The following PDGFC variants were observed in gnomAD, a reference collection of about 807,000 sequenced individuals.
The protein encoded by PDGFC is platelet derived growth factor C.
PDGFC carries 12 observed loss-of-function variants against 35.5 expected under a neutral mutation model. The ratio of observed to expected loss-of-function variants is 0.34; its 90% CI spans 0.22 to 0.55. The LOEUF (loss-of-function observed/expected upper bound fraction) is 0.55. Ranked by LOEUF, PDGFC falls within the 20% of genes least tolerant of loss-of-function variation. The pLI is 0.91. For synonymous variants in PDGFC, 159 were observed against 148.8 expected (o/e 1.07, Z -0.50); for missense variants, 322 against 412.4 (o/e 0.78, Z 1.90).
chr4:156,772,940 G>C (rs967450404), intron 3 of PDGFC, 47 bp from the exon 4 acceptor site: 2 of 1,281,804 alleles, frequency 1.6e-6, no homozygotes, highest in Admixed American at 1.7e-5. Context: ...AAACGACAAT[G>C]TATTCCTTCT....
chr4:156,825,595 A>G (rs1269916012), intron 2 of PDGFC, among the ~76,000 whole-genome samples: 2 of 76,426 alleles, frequency 2.6e-5, no homozygotes, highest in African/African-American at 5.1e-5. Context: ...AATAATAATA[A>G]GAAGAAGAAG....
intron 1 of PDGFC, among the ~76,000 whole-genome samples, chr4:156,911,844 G>A (rs182521374): frequency 4.0e-4 from 61 of 152,218 alleles, no homozygotes; most frequent in African/African-American, 1.3e-3. Flanking sequence ...ATGCACATGC[G>A]TTGGTAAGCA....
intron 3 of PDGFC, among the ~76,000 whole-genome samples, chr4:156,806,296 T>C (rs927503514): frequency 7.2e-5 from 11 of 152,064 alleles, no homozygotes; most frequent in South Asian, 2.1e-4. Flanking sequence ...TAAATATACA[T>C]TGACTCAATT....
intron 1 of PDGFC, among the ~76,000 whole-genome samples, chr4:156,961,527 A>C (rs1732343554): frequency 6.6e-6 from 1 of 152,184 alleles, no homozygotes; most frequent in Admixed American, 6.5e-5. Context: ...CATGGCATCA[A>C]GATAGTACAT....
At chr4:156,964,573 T>A (rs544308349) in intron 1 of PDGFC, among the ~76,000 whole-genome samples, 1 of 151,952 alleles carries the variant, frequency 6.6e-6, no homozygotes, top group Admixed American at 6.6e-5. Flanking sequence ...AAGCAACAGA[T>A]TCTTACCTCA....
intron 1 of PDGFC, among the ~76,000 whole-genome samples, chr4:156,926,794 T>C (rs943958967): frequency 6.6e-6 from 1 of 152,148 alleles, no homozygotes; most frequent in Non-Finnish European, 1.5e-5. Flanking sequence ...GTACAAGCTG[T>C]CAGAGGATCT....
intron 1 of PDGFC, among the ~76,000 whole-genome samples, chr4:156,861,120 T>A (rs1391097002): frequency 6.6e-6 from 1 of 152,030 alleles, no homozygotes; most frequent in East Asian, 1.9e-4. Context: ...TATACAGAAG[T>A]GGGAATGTAG....
intron 3 of PDGFC, among the ~76,000 whole-genome samples, chr4:156,780,919 T>TACCTA (rs1281961013): frequency 6.6e-6 from 1 of 152,168 alleles, no homozygotes; most frequent in African/African-American, 2.4e-5. Flanking sequence ...GATTTTCTTT[T>TACCTA]ACCTAACAAG....
intron 1 of PDGFC, among the ~76,000 whole-genome samples, chr4:156,969,936 A>G (rs1484677976): frequency 6.6e-6 from 1 of 152,224 alleles, no homozygotes; most frequent in African/African-American, 2.4e-5. Context: ...AGAGAAAAAG[A>G]GTTTAGAAAT....
At chr4:156,872,069 A>G (rs1729997777) in intron 1 of PDGFC, among the ~76,000 whole-genome samples, 1 of 152,206 alleles carries the variant, frequency 6.6e-6, no homozygotes, top group Non-Finnish European at 1.5e-5. Flanking sequence ...TTAATAAAAG[A>G]CTATACACAA....
chr4:156,936,617 AAG>A (rs202059537), intron 1 of PDGFC, among the ~76,000 whole-genome samples: 1,585 of 152,308 alleles, frequency 0.01, 12 homozygotes, highest in Non-Finnish European at 0.014. Flanking sequence ...CAATTGGAAA[AAG>A]AGGAAATATT....
chr4:156,932,345 G>C (rs7672898), intron 1 of PDGFC, among the ~76,000 whole-genome samples: 1 of 151,918 alleles, frequency 6.6e-6, no homozygotes, highest in Non-Finnish European at 1.5e-5. Context: ...CTTCCTACCC[G>C]TGAGCATGGA....
At chr4:156,842,905 T>A (rs1451789748) in intron 2 of PDGFC, among the ~76,000 whole-genome samples, 4 of 152,126 alleles carry the variant, frequency 2.6e-5, no homozygotes, top group Admixed American at 2.0e-4. Context: ...CCCATATATC[T>A]CCTCATTATG....
chr4:156,783,889 AG>A (rs1212655977), intron 3 of PDGFC, among the ~76,000 whole-genome samples: 1 of 152,198 alleles, frequency 6.6e-6, no homozygotes, highest in Admixed American at 6.5e-5. Flanking sequence ...TAGAACCAAC[AG>A]GATTGGTAGC....
At chr4:156,950,176 C>A (rs1277430480) in intron 1 of PDGFC, among the ~76,000 whole-genome samples, 1 of 151,854 alleles carries the variant, frequency 6.6e-6, no homozygotes, top group East Asian at 1.9e-4. Flanking sequence ...CTCCGTTCTC[C>A]AGTTATCTGC....
At chr4:156,854,175 T>C (rs1191487850) in intron 1 of PDGFC, among the ~76,000 whole-genome samples, 1 of 152,128 alleles carries the variant, frequency 6.6e-6, no homozygotes, top group African/African-American at 2.4e-5. Flanking sequence ...AATGAATTAT[T>C]TTTTCCCATC....
intron 1 of PDGFC, among the ~76,000 whole-genome samples, chr4:156,937,290 A>G (rs1054376093): frequency 1.3e-5 from 2 of 152,214 alleles, no homozygotes; most frequent in Non-Finnish European, 2.9e-5. Context: ...AATTATGTCT[A>G]AAGCTGGAAA....
chr4:156,912,737 T>A (rs556051894), intron 1 of PDGFC, among the ~76,000 whole-genome samples: 2 of 152,180 alleles, frequency 1.3e-5, no homozygotes, highest in South Asian at 4.2e-4. Context: ...TATGTAAGTA[T>A]ACTTTAAATA....
chr4:156,783,827 C>T (rs1438551890), intron 3 of PDGFC, among the ~76,000 whole-genome samples: 23 of 152,028 alleles, frequency 1.5e-4, no homozygotes, highest in Non-Finnish European at 2.2e-4. Context: ...GATTGATTAC[C>T]ACCATTGAGG....
Sources: allele counts gnomAD v4.1 joint callset (sites outside exome capture counted in the v4.1 genomes callset), GRCh38; gene constraint gnomAD v4.1.1; transcripts MANE v1.5; gene names NCBI Gene and HGNC (gene_info 2026-07-23, HGNC 2026-07-21).